The following BICD1 variants were observed in gnomAD, a reference collection of about 807,000 sequenced individuals.
The protein encoded by BICD1 is BICD cargo adaptor 1, also known as protein bicaudal D homolog 1.
Under a neutral mutation model 92.5 loss-of-function variants are expected in BICD1, and 35 were observed. The ratio of observed to expected loss-of-function variants is 0.38; its 90% CI spans 0.29 to 0.50. The LOEUF (loss-of-function observed/expected upper bound fraction) is 0.50, where lower values mean the gene tolerates loss of function less well. BICD1 is among the 20% of genes least tolerant of loss of function. The pLI, the probability that BICD1 is intolerant of heterozygous loss-of-function variation, is 0.93. For missense variants in BICD1, 950 were observed against 1,189.8 expected, an observed-to-expected ratio of 0.80 and a Z score of 2.97; for synonymous variants, 429 against 465.1, an observed-to-expected ratio of 0.92 and a Z score of 1.00.
intron 1 of BICD1, among the ~76,000 whole-genome samples, chr12:32,152,505 C>A (rs1209053459): frequency 6.6e-6 from 1 of 152,136 alleles, no homozygotes; most frequent in Non-Finnish European, 1.5e-5. Context: ...GGATTACAGG[C>A]GTGAGCCAAT....
intron 1 of BICD1, among the ~76,000 whole-genome samples, chr12:32,167,115 C>T (rs1394038395): frequency 6.6e-6 from 1 of 152,100 alleles, no homozygotes; most frequent in Non-Finnish European, 1.5e-5. Context: ...ATTCAGGAAG[C>T]TTCTGATTCT....
intron 2 of BICD1, among the ~76,000 whole-genome samples, chr12:32,281,815 C>G (rs763242639): frequency 6.6e-6 from 1 of 152,082 alleles, no homozygotes; most frequent in Non-Finnish European, 1.5e-5. Flanking sequence ...AGGTCACCAC[C>G]AATCCAATCC....
At chr12:32,142,419 AAAAAAAAAAAAAC>A (rs988129457) in intron 1 of BICD1, among the ~76,000 whole-genome samples, 4 of 46,940 alleles carry the variant, frequency 8.5e-5, no homozygotes, top group African/African-American at 3.3e-4. Flanking sequence ...AAAAAAAAAA[AAAAAAAAAAAAAC>A]AAAAAACCCC....
intron 2 of BICD1, among the ~76,000 whole-genome samples, chr12:32,225,052 G>A (rs995546196): frequency 6.6e-6 from 1 of 152,160 alleles, no homozygotes; most frequent in East Asian, 1.9e-4. Context: ...TCAGGAGGTA[G>A]ACCAGTTTCA....
chr12:32,322,807 A>G (rs1948691960), intron 4 of BICD1, among the ~76,000 whole-genome samples: 1 of 152,242 alleles, frequency 6.6e-6, no homozygotes, highest in South Asian at 2.1e-4. Context: ...CTTATTCATC[A>G]TAACACTTTT....
intron 8 of BICD1, among the ~76,000 whole-genome samples, chr12:32,362,381 G>C (rs1246937428): frequency 6.6e-6 from 1 of 152,016 alleles, no homozygotes; most frequent in African/African-American, 2.4e-5. Context: ...AAAGAAAATT[G>C]GTTAGTTTTC....
In BICD1 at chr12:32,382,227, C is replaced by T. The variant is rs1231454968; in HGVS notation, c.*4600C>T. 6.6e-6 allele frequency: 1 copy of T among 152,008 alleles called. No individual in the cohort carries two copies. The highest frequency in any genetic ancestry group is 1.9e-4 in the East Asian group (1 of 5,198). 9.4% of individuals were successfully genotyped at this position (152,008 alleles called of 1,614,324 possible). ...GATTTCATCTAGACATGTCTTTCGT[C>T]CTTATTATTCAAAGTGTAATTGAAA... is the stretch of plus-strand genomic sequence containing the variant. On this transcript the variant is annotated 3_prime_UTR_variant, in exon 10 of 10. Coordinates refer to ENST00000652176, the MANE Select transcript of BICD1 (RefSeq NM_001714.4).
At chr12:32,352,585 G>A (rs1290014540) in intron 8 of BICD1, 1 of 152,102 alleles carries the variant, frequency 6.6e-6, no homozygotes, top group African/African-American at 2.4e-5. Flanking sequence ...TCTGATGCTG[G>A]TCATCTAGTC....
chr12:32,188,169 C>A lies in BICD1; in HGVS notation c.214-28078C>A, dbSNP rs574562024. Among the ~76,000 whole-genome samples, 42 of 152,272 alleles carry A rather than the reference C, an allele frequency of 2.8e-4. 2 individuals are homozygous for A. In the South Asian group the frequency reaches 8.7e-3, roughly 32 times the overall value. On this transcript the variant is annotated intron_variant, in intron 1 of 9. Coordinates refer to ENST00000652176, the MANE Select transcript of BICD1 (RefSeq NM_001714.4). ...GCTGGGCTGGTCTTGAACTCCTGAC[C>A]TCAGGTGATCCACCCACCTCGGCCT...
chr12:32,267,967 T>C (rs1157485313), intron 2 of BICD1, among the ~76,000 whole-genome samples: 3 of 133,370 alleles, frequency 2.2e-5, no homozygotes, highest in Non-Finnish European at 3.4e-5. Context: ...TTCTGGCTAA[T>C]TTAAAAAGTG....
intron 2 of BICD1, among the ~76,000 whole-genome samples, chr12:32,260,245 T>C (rs1056974030): frequency 5.3e-5 from 8 of 152,200 alleles, no homozygotes; most frequent in African/African-American, 1.9e-4. Context: ...TCTTTTGTTT[T>C]GTTGAACTGG....
intron 1 of BICD1, among the ~76,000 whole-genome samples, chr12:32,120,430 G>A (rs550889108): frequency 1.4e-4 from 21 of 152,282 alleles, no homozygotes; most frequent in South Asian, 1.2e-3. Context: ...GCAGTTTGGC[G>A]TGGGTCTGTG....
At chr12:32,221,983 A>T (rs552507607) in intron 2 of BICD1, among the ~76,000 whole-genome samples, 1 of 152,316 alleles carries the variant, frequency 6.6e-6, no homozygotes, top group South Asian at 2.1e-4. Flanking sequence ...ATAGCCTAAA[A>T]TTTGGGTAAT....
chr12:32,258,782 T>C (rs189109926), intron 2 of BICD1, among the ~76,000 whole-genome samples: 1 of 152,332 alleles, frequency 6.6e-6, no homozygotes, highest in East Asian at 1.9e-4. Flanking sequence ...TTTAAGACTT[T>C]CACTATTTCT....
At chr12:32,377,233 G>A (rs1286104957) in intron 9 of BICD1, among the ~76,000 whole-genome samples, 4 of 152,168 alleles carry the variant, frequency 2.6e-5, no homozygotes, top group Non-Finnish European at 4.4e-5. Flanking sequence ...GAACAAGACC[G>A]TGCAAAAATT....
At position 32,277,556 on chromosome 12, in the gene BICD1, G is replaced by A. The variant is rs141882022; in HGVS notation, c.427-16438G>A. Among the ~76,000 whole-genome samples the A allele has an allele frequency of 5.9e-5, 9 of 152,144 alleles. No homozygotes were observed. The South Asian group carries it at 1.9e-3, about 32-fold the overall frequency. ...TAACCTTTATTTTCTGGATGGTAAA[G>A]GTGTTTTATAGCAACAAAAACAAAC... On this transcript the variant is annotated intron_variant, in intron 2 of 9. Coordinates refer to ENST00000652176, the MANE Select transcript of BICD1 (RefSeq NM_001714.4).
At chr12:32,115,879 A>T (rs1941872600) in intron 1 of BICD1, among the ~76,000 whole-genome samples, 1 of 151,886 alleles carries the variant, frequency 6.6e-6, no homozygotes. Flanking sequence ...CATCCTGTCC[A>T]TTCTGGGTCT....
intron 2 of BICD1, among the ~76,000 whole-genome samples, chr12:32,233,482 A>G (rs949763688): frequency 6.6e-6 from 1 of 152,070 alleles, no homozygotes; most frequent in South Asian, 2.1e-4. Context: ...GCATATATAT[A>G]AGGATTTCTG....
At chr12:32,157,516 C>T (rs530700778) in intron 1 of BICD1, among the ~76,000 whole-genome samples, 75 of 152,272 alleles carry the variant, frequency 4.9e-4, no homozygotes, top group Non-Finnish European at 8.5e-4. Context: ...GGTCCACATA[C>T]TCTATGTGTA....
Sources: allele counts gnomAD v4.1 joint callset (sites outside exome capture counted in the v4.1 genomes callset), GRCh38; gene constraint gnomAD v4.1.1; transcripts MANE v1.5; gene names NCBI Gene and HGNC (gene_info 2026-07-23, HGNC 2026-07-21).